DYSF: variants seen among roughly 807,000 people sequenced by gnomAD.
The protein encoded by DYSF is dystrophy-associated fer-1-like 1.
In DYSF, 212 loss-of-function variants were observed where a neutral mutation model predicts 274.9. The ratio of observed to expected loss-of-function variants is 0.77; its 90% confidence interval spans 0.69 to 0.86. DYSF has a LOEUF of 0.86. Among genes scored for constraint, DYSF ranks in the 40% least tolerant of loss-of-function variants. DYSF has a pLI of 0.00. For missense variants in DYSF, 2,666 were observed against 2,783.2 expected (o/e 0.96, Z 0.95); for synonymous variants, 1,091 against 1,078.7 (o/e 1.01, Z -0.22).
At chr2:71,686,396 C>G (rs1411390433) in intron 55 of DYSF, 58 bp from the exon 56 acceptor site, 1 of 1,605,668 alleles carries the variant, frequency 6.2e-7, no homozygotes, top group Non-Finnish European at 8.5e-7. Context: ...GACAGCTGCT[C>G]TGGCTGTGCC....
At chr2:71,500,353 C>G (rs757118632) in intron 3 of DYSF, among the ~76,000 whole-genome samples, 21 of 152,264 alleles carry the variant, frequency 1.4e-4, no homozygotes, top group Non-Finnish European at 2.5e-4. Context: ...GGCAGCCTGC[C>G]CTGCTATTTC....
chr2:71,592,794 C>T (rs11899299), intron 32 of DYSF, among the ~76,000 whole-genome samples: 1 of 152,206 alleles, frequency 6.6e-6, no homozygotes, highest in Non-Finnish European at 1.5e-5. Context: ...CTTTGCTTCT[C>T]TCTATATGGT....
intron 7 of DYSF, among the ~76,000 whole-genome samples, chr2:71,514,294 G>A (rs557912041): frequency 1.1e-4 from 17 of 152,110 alleles, no homozygotes; most frequent in East Asian, 5.8e-4. Flanking sequence ...AGCACCTTCC[G>A]CATCACCTGT....
chr2:71,482,312 GC>G (rs1421640985), intron 3 of DYSF, among the ~76,000 whole-genome samples: 1 of 152,168 alleles, frequency 6.6e-6, no homozygotes, highest in Non-Finnish European at 1.5e-5. Flanking sequence ...CTCTTTCCCG[GC>G]CCAGCCCAGG....
At chr2:71,593,881 AC>A (rs2093340292) in intron 32 of DYSF, among the ~76,000 whole-genome samples, 1 of 152,208 alleles carries the variant, frequency 6.6e-6, no homozygotes, top group Admixed American at 6.5e-5. Flanking sequence ...CTCCCAGGTC[AC>A]TGGGCTCAGG....
chr2:71,522,771 C>T (rs1391436283), intron 12 of DYSF, among the ~76,000 whole-genome samples: 1 of 152,172 alleles, frequency 6.6e-6, no homozygotes, highest in Non-Finnish European at 1.5e-5. Flanking sequence ...CTCCCCACAC[C>T]TGTTCCCCAT....
intron 3 of DYSF, among the ~76,000 whole-genome samples, chr2:71,493,618 A>G (rs996954814): frequency 6.6e-6 from 1 of 152,126 alleles, no homozygotes; most frequent in African/African-American, 2.4e-5. Context: ...TTGGGAGGCC[A>G]AGGTGGGTGG....
intron 43 of DYSF, among the ~76,000 whole-genome samples, chr2:71,657,764 CAG>C (rs1390270173): frequency 6.6e-6 from 1 of 152,192 alleles, no homozygotes; most frequent in Non-Finnish European, 1.5e-5. Context: ...AGCTGGGACA[CAG>C]AGCACCAAGT....
At chr2:71,626,344 G>A (rs1426673076) in intron 41 of DYSF, among the ~76,000 whole-genome samples, 1 of 151,070 alleles carries the variant, frequency 6.6e-6, no homozygotes, top group Non-Finnish European at 1.5e-5. Context: ...TTTATTGAAT[G>A]TTTTTAAAGT....
intron 41 of DYSF, among the ~76,000 whole-genome samples, chr2:71,640,997 C>A (rs1042468286): frequency 1.3e-5 from 2 of 151,936 alleles, no homozygotes; most frequent in Non-Finnish European, 2.9e-5. Flanking sequence ...TCAATTTTGG[C>A]AATTTTTATT....
chr2:71,667,610 C>G (rs2095039598), intron 48 of DYSF, 95 bp downstream of exon 48: 1 of 1,557,682 alleles, frequency 6.4e-7, no homozygotes, highest in Non-Finnish European at 8.7e-7. Flanking sequence ...CAGTGGGTCC[C>G]TTGAGATTTG....
chr2:71,623,077 A>G (rs2094138969), intron 41 of DYSF, among the ~76,000 whole-genome samples: 1 of 152,260 alleles, frequency 6.6e-6, no homozygotes. Context: ...TCAATTGGTC[A>G]TGGTATTATA....
chr2:71,598,762 C>T lies in DYSF; in HGVS notation c.3756+17C>T. ...GACACTTATGTGAGTCTGCCCAGCT[C>T]CTGCCTCGTCCCCTCACAGGGAGGG... On this transcript the variant is annotated intron_variant, in intron 33 of 55. Coordinates refer to ENST00000410020, the MANE Select transcript of DYSF (RefSeq NM_001130987.2). The T allele has an allele frequency of 6.2e-7, 1 of 1,608,626 alleles. No homozygotes were observed. The highest frequency in any genetic ancestry group is 2.2e-5 in the East Asian group (1 of 44,878).
rs558224656 is a variant in DYSF, at chr2:71,678,225, C to T, written c.5885-832C>T. On this transcript the variant is annotated intron_variant, in intron 52 of 55. Coordinates refer to ENST00000410020, the MANE Select transcript of DYSF (RefSeq NM_001130987.2). ...AAGTACGTATGTGTGGAGTTTTCCACTTGTAGCATTATGTTGGCAATCAGA... is the reference window on the plus strand; with the variant it reads ...AAGTACGTATGTGTGGAGTTTTCCATTTGTAGCATTATGTTGGCAATCAGA... 3.9e-5 allele frequency among the ~76,000 whole-genome samples: 6 copies of T among 152,186 alleles called. No homozygotes were observed. In the South Asian group the frequency reaches 1.0e-3, roughly 26 times the overall value.
At chr2:71,519,476 CCTGCCCCCTGCCCCTG>C (rs1468669818) in intron 10 of DYSF, among the ~76,000 whole-genome samples, 1 of 152,114 alleles carries the variant, frequency 6.6e-6, no homozygotes, top group African/African-American at 2.4e-5. Context: ...CCATATACTC[CCTGCCCCCTGCCCCTG>C]CTGCCCCCTG....
Position 71,567,936 on chromosome 2 carries a change from T to C in DYSF, c.2566-15T>C. 6.2e-7 allele frequency: 1 copy of C among 1,613,924 alleles called. No homozygotes were observed. The highest frequency in any genetic ancestry group is 8.5e-7 in the Non-Finnish European group (1 of 1,179,850). On this transcript the variant is annotated splice_polypyrimidine_tract_variant and intron_variant, in intron 24 of 55. Coordinates refer to ENST00000410020, the MANE Select transcript of DYSF (RefSeq NM_001130987.2). Reference sequence around the variant, plus strand: ...TGAAGGGGACTGTGGGTTTCTGTCCTTCTCTGGTACCCAGTATCCGATGGA... The same window carrying C: ...TGAAGGGGACTGTGGGTTTCTGTCCCTCTCTGGTACCCAGTATCCGATGGA...
At chr2:71,505,384 G>A (rs902169677) in intron 4 of DYSF, among the ~76,000 whole-genome samples, 4 of 152,230 alleles carry the variant, frequency 2.6e-5, no homozygotes, top group Non-Finnish European at 5.9e-5. Flanking sequence ...CATGCCAGGT[G>A]CCCCCATTTC....
At chr2:71,546,831 T>G (rs2152779638) in intron 17 of DYSF, among the ~76,000 whole-genome samples, 1 of 152,344 alleles carries the variant, frequency 6.6e-6, no homozygotes, top group Middle Eastern at 3.4e-3. Flanking sequence ...GCCATGGGCT[T>G]GGGGATGTGC....
At chr2:71,629,640 T>C (rs2094279658) in intron 41 of DYSF, among the ~76,000 whole-genome samples, 1 of 152,368 alleles carries the variant, frequency 6.6e-6, no homozygotes, top group Admixed American at 6.5e-5. Context: ...TGTGGCTTTT[T>C]GGGTCCACTA....
Sources: gnomAD v4.1 joint callset for allele counts (sites outside exome capture counted in the v4.1 genomes callset) on GRCh38, gnomAD v4.1.1 for gene constraint, MANE v1.5 for transcripts, NCBI Gene and HGNC (gene_info 2026-07-23, HGNC 2026-07-21) for gene names.